TNKS: variants seen among roughly 807,000 people sequenced by gnomAD.
TNKS encodes the protein tankyrase, also known as poly [ADP-ribose] polymerase tankyrase-1.
A neutral mutation model predicts 135.8 loss-of-function variants in TNKS; 72 were observed. That is an observed-to-expected ratio of 0.53 (90% CI 0.44 to 0.64). TNKS has a LOEUF of 0.64. Ranked by LOEUF, TNKS falls within the 30% of genes least tolerant of loss-of-function variation. TNKS has a pLI of 0.00. For missense variants in TNKS, 1,769 were observed against 1,674.0 expected (o/e 1.06, Z -0.99); for synonymous variants, 849 against 649.3 (o/e 1.31, Z -4.68).
rs184713992 is a variant in TNKS, at chr8:9,645,293, A to G, written c.994+29616A>G. ...GGTCTCTCCAGGATTGTGGCTACCT[A>G]TGAAGAGAAGCCCATTCATACTGGA... On this transcript the variant is annotated intron_variant, in intron 3 of 26. Coordinates refer to ENST00000310430, the MANE Select transcript of TNKS (RefSeq NM_003747.3). Among the ~76,000 whole-genome samples the G allele has an allele frequency of 1.0e-3, 155 of 152,272 alleles. 1 individual carries two copies. Among genetic ancestry groups the G allele is most frequent in the African/African-American group, 3.4e-3 (141 of 41,556 alleles).
At chr8:9,621,816 TCTTAC>T (rs1167330848) in intron 3 of TNKS, among the ~76,000 whole-genome samples, 1 of 152,132 alleles carries the variant, frequency 6.6e-6, no homozygotes. Flanking sequence ...CAGAAATAAA[TCTTAC>T]CTTACTTATT....
chr8:9,744,466 G>C (rs1806133568), intron 17 of TNKS, among the ~76,000 whole-genome samples: 1 of 152,138 alleles, frequency 6.6e-6, no homozygotes, highest in Non-Finnish European at 1.5e-5. Context: ...AGCCAAGCAT[G>C]TTTCTCTTTC....
At chr8:9,717,558 AC>A (rs1804671586) in intron 11 of TNKS, among the ~76,000 whole-genome samples, 1 of 152,142 alleles carries the variant, frequency 6.6e-6, no homozygotes, top group African/African-American at 2.4e-5. Flanking sequence ...AATATACAGA[AC>A]AGTATGTCAA....
chr8:9,672,432 G>T (rs963521078), intron 3 of TNKS, among the ~76,000 whole-genome samples: 1 of 151,890 alleles, frequency 6.6e-6, no homozygotes, highest in Non-Finnish European at 1.5e-5. Flanking sequence ...GCTGTGCTGT[G>T]TAGCTGTGTA....
chr8:9,703,510 A>G (rs1380283257), intron 5 of TNKS, among the ~76,000 whole-genome samples: 1 of 152,232 alleles, frequency 6.6e-6, no homozygotes, highest in East Asian at 1.9e-4. Context: ...GAATGTAGTC[A>G]GGTTTCCTGA....
chr8:9,615,685 G>C lies in TNKS; in HGVS notation c.994+8G>C. 6.2e-7 allele frequency: 1 copy of C among 1,600,794 alleles called. No homozygotes were observed. Among genetic ancestry groups the C allele is most frequent in the South Asian group, 1.1e-5 (1 of 89,670 alleles). On this transcript the variant is annotated splice_region_variant and intron_variant, in intron 3 of 26. Coordinates refer to ENST00000310430, the MANE Select transcript of TNKS (RefSeq NM_003747.3). ...CAAAAGCTGTCCTTACAGGTAAGAAGACAGAGAGCTACCGAATGATTATAT... is the reference window on the plus strand; with the variant it reads ...CAAAAGCTGTCCTTACAGGTAAGAACACAGAGAGCTACCGAATGATTATAT...
intron 5 of TNKS, among the ~76,000 whole-genome samples, chr8:9,682,988 A>G (rs555752028): frequency 6.6e-6 from 1 of 152,144 alleles, no homozygotes; most frequent in Non-Finnish European, 1.5e-5. Flanking sequence ...TTAGATTATC[A>G]GGGTTTTTTT....
chr8:9,749,412 G>A (rs762797233), intron 18 of TNKS, among the ~76,000 whole-genome samples: 43 of 151,614 alleles, frequency 2.8e-4, no homozygotes, highest in Non-Finnish European at 5.4e-4. Flanking sequence ...TTAGGGCCCA[G>A]TTCTGCTCCC....
chr8:9,649,249 GCAGT>G (rs1186590566), intron 3 of TNKS, among the ~76,000 whole-genome samples: 1 of 152,158 alleles, frequency 6.6e-6, no homozygotes, highest in Non-Finnish European at 1.5e-5. Context: ...AGTTTTGACA[GCAGT>G]CAGTCAACCA....
At position 9,580,343 on chromosome 8, in the gene TNKS, G is replaced by T. The variant is rs79117686; in HGVS notation, c.858G>T (p.Leu286=). ...NARDNWNYTP[L]HEAAIKGKID... ...GGGATAACTGGAACTATACACCTCT[G>T]CATGAAGCTGCTATTAAAGGGAAGA... The change falls in exon 2 of 27, where the codon CTG becomes CTT. Residue 286 remains leucine, a synonymous_variant. Coordinates refer to ENST00000310430, the MANE Select transcript of TNKS (RefSeq NM_003747.3). The T allele has an allele frequency of 6.2e-6, 10 of 1,614,142 alleles. No homozygotes were observed. The African/African-American group carries it at 9.3e-5, about 15-fold the overall frequency.
intron 14 of TNKS, among the ~76,000 whole-genome samples, chr8:9,732,019 C>T (rs1298039305): frequency 6.6e-6 from 1 of 152,174 alleles, no homozygotes; most frequent in Non-Finnish European, 1.5e-5. Flanking sequence ...AATCTCCTGA[C>T]CTCATGGATC....
At chr8:9,571,434 T>C (rs1159671685) in intron 1 of TNKS, among the ~76,000 whole-genome samples, 1 of 152,200 alleles carries the variant, frequency 6.6e-6, no homozygotes, top group African/African-American at 2.4e-5. Context: ...TCATGATTTC[T>C]GGGGCAGAAA....
intron 1 of TNKS, among the ~76,000 whole-genome samples, chr8:9,564,985 A>G (rs575765583): frequency 5.0e-4 from 76 of 151,664 alleles, no homozygotes; most frequent in Non-Finnish European, 9.6e-4. Context: ...AAAGCCTAGG[A>G]GCTCAGGATA....
In TNKS at chr8:9,781,977, A is replaced by G. The variant is rs1388665060; in HGVS notation, c.*5241A>G. On this transcript the variant is annotated 3_prime_UTR_variant, in exon 27 of 27. Transcript: ENST00000310430. Reference sequence around the variant, plus strand: ...TTTCACGTTAAGAATGTTTCATGCAATATTTGGCATATATTTACAGTAAAA... The same window carrying G: ...TTTCACGTTAAGAATGTTTCATGCAGTATTTGGCATATATTTACAGTAAAA... The G allele has an allele frequency of 6.6e-6, 1 of 152,418 alleles. No homozygotes were observed. The highest frequency in any genetic ancestry group is 1.5e-5 in the Non-Finnish European group (1 of 68,026). The allele number at this position is 152,418 out of a possible 1,614,324, so 9.4% of individuals were successfully genotyped here.
At position 9,720,363 on chromosome 8, in the gene TNKS, T is replaced by C; in HGVS notation, c.1750-11T>C. On this transcript the variant is annotated splice_polypyrimidine_tract_variant and intron_variant, in intron 11 of 26. Transcript: ENST00000310430. ...TGCTCAATTCCATGTGCCCACGCAA[T>C]GATTTTTCAGATGAATGCACTGGAC... 6.3e-7 allele frequency: 1 copy of C among 1,579,498 alleles called. No individual in the cohort carries two copies. The highest frequency in any genetic ancestry group is 8.6e-7 in the Non-Finnish European group (1 of 1,162,046).
chr8:9,645,610 G>A (rs1215055344), intron 3 of TNKS, among the ~76,000 whole-genome samples: 1 of 152,066 alleles, frequency 6.6e-6, no homozygotes, highest in Non-Finnish European at 1.5e-5. Context: ...GGACTATGAG[G>A]CACATACTTA....
At chr8:9,586,020 A>T (rs1798367188) in intron 2 of TNKS, among the ~76,000 whole-genome samples, 1 of 152,196 alleles carries the variant, frequency 6.6e-6, no homozygotes. Context: ...GGATTAAATG[A>T]GATAATATAC....
At chr8:9,620,042 C>T (rs917643109) in intron 3 of TNKS, among the ~76,000 whole-genome samples, 9 of 151,864 alleles carry the variant, frequency 5.9e-5, no homozygotes, top group Non-Finnish European at 1.2e-4. Context: ...CTCCGCCTCC[C>T]GGGTTTAAGC....
At chr8:9,610,794 A>G (rs889498644) in intron 2 of TNKS, among the ~76,000 whole-genome samples, 2 of 152,308 alleles carry the variant, frequency 1.3e-5, no homozygotes, top group East Asian at 3.8e-4. Context: ...CATTGTTTCT[A>G]TGTCTTGTGT....
Sources: gnomAD v4.1 joint callset for allele counts (sites outside exome capture counted in the v4.1 genomes callset) on GRCh38, gnomAD v4.1.1 for gene constraint, MANE v1.5 for transcripts, NCBI Gene and HGNC (gene_info 2026-07-23, HGNC 2026-07-21) for gene names.